LGSN: variants seen among roughly 807,000 people sequenced by gnomAD.
LGSN encodes the protein lengsin.
LGSN carries 21 observed loss-of-function variants against 19.5 expected under a neutral mutation model. The observed-to-expected ratio is 1.07, with a 90% confidence interval of 0.76 to 1.55. LGSN has a LOEUF of 1.55. LGSN is among the 40% of genes most tolerant of loss of function. LGSN has a pLI of 0.00. For synonymous variants in LGSN, 257 were observed against 215.6 expected (o/e 1.19, Z -1.68); for missense variants, 673 against 608.5 (o/e 1.11, Z -1.12).
the LGSN span, among the ~76,000 whole-genome samples, chr6:63,387,916 A>G: frequency 1.3e-5 from 2 of 151,856 alleles, no homozygotes; most frequent in Admixed American, 6.6e-5. Context: ...CCCAGGCTGG[A>G]GTGCAGTGGC....
the LGSN span, among the ~76,000 whole-genome samples, chr6:63,508,195 C>G: frequency 2.6e-5 from 4 of 152,028 alleles, no homozygotes; most frequent in Admixed American, 6.6e-5. Context: ...ATTTTTGTAC[C>G]TACTTAGGAG....
In LGSN at chr6:63,281,279, G is replaced by T. The variant is rs551531188; in HGVS notation, c.331-59C>A. The T allele has an allele frequency of 6.5e-6, 8 of 1,224,966 alleles. No individual in the cohort carries two copies. In the Admixed American group the frequency reaches 1.3e-4, roughly 20 times the overall value. The allele number at this position is 1,224,966 out of a possible 1,614,324, so 75.9% of individuals were successfully genotyped here. ...TGAAAACAAACAAAAGGGTCGGGGG[G>T]CGGCGGGAAAGCCTTGCTAATGAAA... On this transcript the variant is annotated intron_variant, in intron 3 of 3. Transcript: ENST00000370657.
At chr6:63,445,495 G>A in the LGSN span, among the ~76,000 whole-genome samples, 1 of 152,072 alleles carries the variant, frequency 6.6e-6, no homozygotes, top group South Asian at 2.1e-4. Context: ...GCAGGCGCTT[G>A]TAGTCCCAGC....
chr6:63,540,663 T>G, the LGSN span, among the ~76,000 whole-genome samples: 1 of 151,648 alleles, frequency 6.6e-6, no homozygotes. Flanking sequence ...AAAAGTTAGA[T>G]GAAAATGAGA....
chr6:63,450,448 A>G, the LGSN span, among the ~76,000 whole-genome samples: 1 of 151,570 alleles, frequency 6.6e-6, no homozygotes, highest in East Asian at 1.9e-4. Flanking sequence ...CAGGAGTCTG[A>G]GTCAGGAGAA....
the LGSN span, among the ~76,000 whole-genome samples, chr6:63,487,463 G>T: frequency 6.6e-6 from 1 of 152,152 alleles, no homozygotes; most frequent in Non-Finnish European, 1.5e-5. Context: ...TTTTTGCTTG[G>T]AAGACATCCA....
At chr6:63,403,165 G>A in the LGSN span, among the ~76,000 whole-genome samples, 23 of 152,028 alleles carry the variant, frequency 1.5e-4, no homozygotes, top group Non-Finnish European at 3.1e-4. Flanking sequence ...ATCTAATATA[G>A]GTGATAAATA....
At chr6:63,419,081 C>T in the LGSN span, among the ~76,000 whole-genome samples, 1 of 151,988 alleles carries the variant, frequency 6.6e-6, no homozygotes, top group Non-Finnish European at 1.5e-5. Flanking sequence ...AAGTGAGGAG[C>T]ACTGACTTCT....
At chr6:63,455,015 A>G in the LGSN span, among the ~76,000 whole-genome samples, 1 of 145,622 alleles carries the variant, frequency 6.9e-6, no homozygotes, top group Non-Finnish European at 1.5e-5. Context: ...CTGGTCTTGA[A>G]CTTGTGACCT....
chr6:63,441,072 G>T, the LGSN span: 1 of 170,080 alleles, frequency 5.9e-6, no homozygotes, highest in Non-Finnish European at 1.2e-5. Context: ...TGCCAGGCGT[G>T]GTGGTGCATG....
Position 63,276,722 on chromosome 6 carries a change from C to T in LGSN, c.*3299G>A, listed in dbSNP as rs1340922771. 6.6e-6 allele frequency: 1 copy of T among 152,160 alleles called. No individual in the cohort carries two copies. The highest frequency in any genetic ancestry group is 1.5e-5 in the Non-Finnish European group (1 of 68,042). The allele number at this position is 152,160 out of a possible 1,614,324, so 9.4% of individuals were successfully genotyped here. A position where few individuals can be genotyped will look rare whatever the true frequency, so the allele number is the denominator to read the frequency against. ...GTTTTGGTCTCCCCTAGTATGATGG[C>T]TCCCAGCTGAAGGCTTAGCACACAA... On this transcript the variant is annotated 3_prime_UTR_variant, in exon 4 of 4. Coordinates refer to ENST00000370657, the MANE Select transcript of LGSN (RefSeq NM_016571.3).
At chr6:63,450,760 C>A in the LGSN span, among the ~76,000 whole-genome samples, 3 of 151,726 alleles carry the variant, frequency 2.0e-5, no homozygotes, top group Admixed American at 2.0e-4. Flanking sequence ...GCAACCTCCA[C>A]CTCCTGGGTT....
the LGSN span, among the ~76,000 whole-genome samples, chr6:63,495,465 T>TG: frequency 7.3e-4 from 79 of 108,756 alleles, 2 homozygotes; most frequent in Non-Finnish European, 1.2e-3. Context: ...TCTTTTTTTT[T>TG]TTTTTTTTTT....
At chr6:63,292,093 G>A (rs1767793551) in intron 2 of LGSN, among the ~76,000 whole-genome samples, 1 of 152,160 alleles carries the variant, frequency 6.6e-6, no homozygotes, top group African/African-American at 2.4e-5. Flanking sequence ...CAGGACACAA[G>A]AACCTCACTT....
chr6:63,524,005 A>T, the LGSN span, among the ~76,000 whole-genome samples: 3 of 151,692 alleles, frequency 2.0e-5, no homozygotes, highest in Admixed American at 6.6e-5. Flanking sequence ...TTTTCTGGAG[A>T]CAGTCTTGCT....
the LGSN span, among the ~76,000 whole-genome samples, chr6:63,517,906 C>T: frequency 6.6e-6 from 1 of 152,256 alleles, no homozygotes; most frequent in East Asian, 1.9e-4. Flanking sequence ...GCAATCCCAA[C>T]ACTTTGGGAG....
chr6:63,404,356 A>G, the LGSN span, among the ~76,000 whole-genome samples: 1 of 152,180 alleles, frequency 6.6e-6, no homozygotes, highest in Non-Finnish European at 1.5e-5. Context: ...GAAATAGATA[A>G]TATTAATAGA....
rs1317336540 is a variant in LGSN, at chr6:63,276,121, C to A, written c.*3900G>T. 1 of 152,116 alleles carries A rather than the reference C, an allele frequency of 6.6e-6. No homozygotes were observed. The highest frequency in any genetic ancestry group is 1.9e-4 in the East Asian group (1 of 5,190). The allele number at this position is 152,116 out of a possible 1,614,324, so 9.4% of individuals were successfully genotyped here. On this transcript the variant is annotated 3_prime_UTR_variant, in exon 4 of 4. Transcript: ENST00000370657. Reference sequence around the variant, plus strand: ...ATTCTTACCCCTGTCATAGAAAACCCAAGGTTAAAGGTATTGTCCAGTCAT... The same window carrying A: ...ATTCTTACCCCTGTCATAGAAAACCAAAGGTTAAAGGTATTGTCCAGTCAT...
the LGSN span, among the ~76,000 whole-genome samples, chr6:63,467,146 A>G: frequency 6.6e-6 from 1 of 152,158 alleles, no homozygotes; most frequent in Non-Finnish European, 1.5e-5. Flanking sequence ...ATGTGCCTAT[A>G]AAAGATAAGA....
Sources: gnomAD v4.1 joint callset for allele counts (sites outside exome capture counted in the v4.1 genomes callset) on GRCh38, gnomAD v4.1.1 for gene constraint, MANE v1.5 for transcripts, NCBI Gene and HGNC (gene_info 2026-07-23, HGNC 2026-07-21) for gene names.